PCDHGA6: variants seen among roughly 807,000 people sequenced by gnomAD.
PCDHGA6 encodes the protein protocadherin gamma-A6.
A neutral mutation model predicts 60.6 loss-of-function variants in PCDHGA6; 41 were observed. The ratio of observed to expected loss-of-function variants is 0.68; its 90% CI spans 0.53 to 0.88. The LOEUF (loss-of-function observed/expected upper bound fraction) is 0.88. PCDHGA6 is among the 40% of genes least tolerant of loss of function. The pLI, the probability that PCDHGA6 is intolerant of heterozygous loss-of-function variation, is 0.00. For missense variants in PCDHGA6, 1,312 were observed against 1,203.0 expected (o/e 1.09, Z -1.34); for synonymous variants, 594 against 524.4 (o/e 1.13, Z -1.81).
chr5:141,491,567 C>T lies in PCDHGA6; in HGVS notation c.2425-3240C>T, dbSNP rs2099721325. On this transcript the variant is annotated intron_variant, in intron 1 of 3. Transcript: ENST00000517434. The surrounding 1 kb of genome is among the most constrained non-coding windows in gnomAD (Gnocchi z 6.9). ...GACTCGCAGAGCCACTGCTACAGGACGTGCTTTTCACCGGCCTCGGACGGC... is the reference window on the plus strand; with the variant it reads ...GACTCGCAGAGCCACTGCTACAGGATGTGCTTTTCACCGGCCTCGGACGGC... 1.9e-6 allele frequency: 3 copies of T among 1,614,004 alleles called. No individual in the cohort carries two copies. The highest frequency in any genetic ancestry group is 2.5e-6 in the Non-Finnish European group (3 of 1,180,034).
chr5:141,395,115 C>T (rs1380601635), intron 1 of PCDHGA6: 1 of 1,614,192 alleles, frequency 6.2e-7, no homozygotes. Context: ...GAAGAGTCAC[C>T]TGATCTTTCC....
In PCDHGA6 at chr5:141,485,111, G is replaced by C. The variant is rs2099607127; in HGVS notation, c.2425-9696G>C. On this transcript the variant is annotated intron_variant, in intron 1 of 3. Coordinates refer to ENST00000517434, the MANE Select transcript of PCDHGA6 (RefSeq NM_018919.3). The surrounding 1 kb of genome is among the most constrained non-coding windows in gnomAD (Gnocchi z 5.7). The stretch of plus-strand genomic sequence containing the variant: ...ATAGGTGTCTCCAGCTGCTGTGGCT[G>C]TTTGGGGCGGGTCGGCTTCATCCGC... 5.4e-6 allele frequency: 7 copies of C among 1,287,562 alleles called. No individual in the cohort carries two copies. The highest frequency in any genetic ancestry group is 7.8e-6 in the Non-Finnish European group (7 of 899,436). 79.8% of individuals were successfully genotyped at this position (1,287,562 alleles called of 1,614,324 possible). A position where few individuals can be genotyped will look rare whatever the true frequency, so the allele number is the denominator to read the frequency against.
In PCDHGA6 at chr5:141,511,269, C is replaced by A; in HGVS notation, c.*96C>A. The A allele has an allele frequency of 1.3e-6, 2 of 1,546,672 alleles. No homozygotes were observed. Among genetic ancestry groups the A allele is most frequent in the Non-Finnish European group, 1.7e-6 (2 of 1,145,264 alleles). The stretch of plus-strand genomic sequence containing the variant: ...AGGCCTCAGAGTTTCAGGGCTAACC[C>A]CCAGAATACTGGTAGGGGCCAAGGC... On this transcript the variant is annotated 3_prime_UTR_variant, in exon 4 of 4. Transcript: ENST00000517434.
chr5:141,423,875 A>G (rs1354115544), intron 1 of PCDHGA6: 8 of 1,282,448 alleles, frequency 6.2e-6, no homozygotes, highest in African/African-American at 3.1e-5. Context: ...TCATTTTTCA[A>G]TCTTGGCATA....
At position 141,404,169 on chromosome 5, in the gene PCDHGA6, C is replaced by A; in HGVS notation, c.2424+27662C>A. On this transcript the variant is annotated intron_variant, in intron 1 of 3. Transcript: ENST00000517434. Reference sequence around the variant, plus strand: ...GAAGAAGATTATTACAGATTGTTGACGGCCCAAATTCTTGACCGAGAAAAA... The same window carrying A: ...GAAGAAGATTATTACAGATTGTTGAAGGCCCAAATTCTTGACCGAGAAAAA... 1 of 1,612,736 alleles carries A rather than the reference C, an allele frequency of 6.2e-7. No individual in the cohort carries two copies. The highest frequency in any genetic ancestry group is 8.5e-7 in the Non-Finnish European group (1 of 1,179,276).
rs547807235 is a variant in PCDHGA6, at chr5:141,375,842, C to G, written c.1759C>G (p.Leu587Val). ...LAPRSAEPGY[L>V]VTKVVAVDRD... ...GCCCCGCTCCGCAGAGCCCGGCTAC[C>G]TGGTGACCAAGGTGGTGGCGGTGGA... The change falls in exon 1 of 4, where the codon CTG (leucine) becomes GTG (valine). Residue 587 changes from leucine (L) to valine (V), a missense_variant. Physicochemically the swap from Leu to Val is conservative, Grantham distance 32. Transcript: ENST00000517434. 4 of 1,614,122 alleles carry G rather than the reference C, an allele frequency of 2.5e-6. No homozygotes were observed. The highest frequency in any genetic ancestry group is 3.4e-6 in the Non-Finnish European group (4 of 1,180,040).
chr5:141,502,601 A>G (rs2099815205), intron 2 of PCDHGA6, among the ~76,000 whole-genome samples: 1 of 152,218 alleles, frequency 6.6e-6, no homozygotes, highest in Non-Finnish European at 1.5e-5. Flanking sequence ...ATATTTTAAA[A>G]TATTTGTGAA....
intron 1 of PCDHGA6, chr5:141,421,710 A>G (rs781498853): frequency 1.2e-6 from 2 of 1,613,940 alleles, no homozygotes; most frequent in South Asian, 2.2e-5. Flanking sequence ...CTAGGGATCC[A>G]GATGTGGGCG....
chr5:141,478,213 C>A (rs2099439229), intron 1 of PCDHGA6: 1 of 1,614,000 alleles, frequency 6.2e-7, no homozygotes, highest in Non-Finnish European at 8.5e-7. Context: ...TTTCTCTAAT[C>A]CTGGTTTCTG....
At chr5:141,384,011 T>C in intron 1 of PCDHGA6, 1 of 1,613,766 alleles carries the variant, frequency 6.2e-7, no homozygotes, top group Non-Finnish European at 8.5e-7. Context: ...CTTTTCTACC[T>C]ACAAGACAGA....
intron 1 of PCDHGA6, among the ~76,000 whole-genome samples, chr5:141,434,935 T>C (rs952530533): frequency 6.6e-6 from 1 of 151,788 alleles, no homozygotes; most frequent in Non-Finnish European, 1.5e-5. Flanking sequence ...TTTTATATAA[T>C]AGATATAATT....
At chr5:141,383,712 G>A (rs895145051) in intron 1 of PCDHGA6, 2 of 1,613,970 alleles carry the variant, frequency 1.2e-6, no homozygotes, top group African/African-American at 2.7e-5. Flanking sequence ...ACCTGGACGA[G>A]GGAGTCAATG....
At chr5:141,380,758 T>C (rs1382076690) in intron 1 of PCDHGA6, among the ~76,000 whole-genome samples, 1 of 152,222 alleles carries the variant, frequency 6.6e-6, no homozygotes, top group Non-Finnish European at 1.5e-5. Flanking sequence ...CAAGACACTA[T>C]AAATTAATTG....
In PCDHGA6 at chr5:141,375,951, C is replaced by T. The variant is rs767101939; in HGVS notation, c.1868C>T (p.Thr623Met). 10 of 1,613,526 alleles carry T rather than the reference C, an allele frequency of 6.2e-6. No individual in the cohort carries two copies. The Admixed American group carries it at 1.5e-4, about 24-fold the overall frequency. ...GGACTTTTCTCAGTGGGCCTGCACA[C>T]GGGCGAGGTGCGCACGGCGCGCGCC... ...EPGLFSVGLHTGEVRTARALL... is the reference protein window; with the variant it reads ...EPGLFSVGLHMGEVRTARALL... The change falls in exon 1 of 4, where the codon ACG (threonine) becomes ATG (methionine). Residue 623 changes from threonine to methionine, a missense_variant. Transcript: ENST00000517434.
intron 1 of PCDHGA6, among the ~76,000 whole-genome samples, chr5:141,447,728 A>G (rs2098549955): frequency 6.6e-6 from 1 of 152,204 alleles, no homozygotes; most frequent in Non-Finnish European, 1.5e-5. Flanking sequence ...TCCAAAACTC[A>G]TTGAACTTAA....
At chr5:141,435,614 C>T (rs1274100711) in intron 1 of PCDHGA6, among the ~76,000 whole-genome samples, 1 of 152,056 alleles carries the variant, frequency 6.6e-6, no homozygotes, top group Non-Finnish European at 1.5e-5. Context: ...ACATTAAATT[C>T]CCCATAACTT....
chr5:141,405,583 T>C (rs868246551), intron 1 of PCDHGA6: 1 of 588,746 alleles, frequency 1.7e-6, no homozygotes. Flanking sequence ...TAGCTGGGAC[T>C]ACAGGCCTCC....
intron 1 of PCDHGA6, chr5:141,413,899 A>G: frequency 1.2e-6 from 2 of 1,613,286 alleles, no homozygotes; most frequent in Non-Finnish European, 1.7e-6. Context: ...TGCAAATGAC[A>G]ACGCGCCGGT....
intron 1 of PCDHGA6, among the ~76,000 whole-genome samples, chr5:141,437,228 A>C (rs1410620126): frequency 6.6e-6 from 1 of 152,228 alleles, no homozygotes; most frequent in Non-Finnish European, 1.5e-5. Context: ...CCAGTCATAA[A>C]ATTATGTCAA....
Sources: gnomAD v4.1 joint callset for allele counts (sites outside exome capture counted in the v4.1 genomes callset) on GRCh38, gnomAD v4.1.1 for gene constraint, Gnocchi (gnomAD v3.1) non-coding constraint, MANE v1.5 for transcripts, NCBI Gene and HGNC (gene_info 2026-07-23, HGNC 2026-07-21) for gene names.